Variants in CRY1 observed in about 807,000 individuals in gnomAD.
The protein encoded by CRY1 is cryptochrome-1.
CRY1 carries 45 observed loss-of-function variants against 76.0 expected under a neutral mutation model. That is an observed-to-expected ratio of 0.59 (90% CI 0.47 to 0.76). The LOEUF (loss-of-function observed/expected upper bound fraction) is 0.76. Among genes scored for constraint, CRY1 ranks in the 30% least tolerant of loss-of-function variants. The probability of loss-of-function intolerance (pLI) is 0.00; values close to 1 mark genes in which losing one functional copy is unlikely to be tolerated. For synonymous variants in CRY1, 248 were observed against 244.0 expected, an observed-to-expected ratio of 1.02 and a Z score of -0.15; for missense variants, 587 against 716.4, an observed-to-expected ratio of 0.82 and a Z score of 2.06.
intron 2 of CRY1, among the ~76,000 whole-genome samples, chr12:107,019,318 T>C (rs150047893): frequency 2.5e-3 from 385 of 152,166 alleles, no homozygotes; most frequent in African/African-American, 8.6e-3. Context: ...GCTCTAGATA[T>C]GGTAAATAAA....
intron 1 of CRY1, among the ~76,000 whole-genome samples, chr12:107,051,031 TATG>T (rs910262331): frequency 1.4e-4 from 21 of 152,242 alleles, no homozygotes; most frequent in Middle Eastern, 3.4e-3. Context: ...AGCCACTAAA[TATG>T]ATGTGGTTTT....
chr12:107,047,939 A>G, intron 1 of CRY1, among the ~76,000 whole-genome samples: 1 of 152,040 alleles, frequency 6.6e-6, no homozygotes. Flanking sequence ...AATTGAGACT[A>G]AAAAAAATTA....
At chr12:107,051,074 A>T (rs1421704982) in intron 1 of CRY1, among the ~76,000 whole-genome samples, 1 of 152,244 alleles carries the variant, frequency 6.6e-6, no homozygotes, top group Middle Eastern at 3.2e-3. Flanking sequence ...CAGTTTAAAA[A>T]TTTCAAACAA....
At chr12:107,038,943 C>T (rs1365590831) in intron 1 of CRY1, among the ~76,000 whole-genome samples, 1 of 152,100 alleles carries the variant, frequency 6.6e-6, no homozygotes, top group East Asian at 1.9e-4. Flanking sequence ...AGCTGCTGCC[C>T]AAGAGACTAG....
chr12:106,993,853 G>A (rs985833445), intron 10 of CRY1, among the ~76,000 whole-genome samples: 1 of 151,958 alleles, frequency 6.6e-6, no homozygotes, highest in South Asian at 2.1e-4. Context: ...AAACCTAAAA[G>A]TTAAATAAAA....
chr12:107,017,626 A>G (rs1370758459), intron 2 of CRY1, among the ~76,000 whole-genome samples: 1 of 152,236 alleles, frequency 6.6e-6, no homozygotes, highest in Non-Finnish European at 1.5e-5. Context: ...TAAGAGGGGA[A>G]AAGTAGAAGC....
chr12:107,011,185 A>C (rs1952439636), intron 2 of CRY1, among the ~76,000 whole-genome samples: 1 of 152,106 alleles, frequency 6.6e-6, no homozygotes, highest in Non-Finnish European at 1.5e-5. Flanking sequence ...CTCTACTAAA[A>C]ACAAACAAAC....
intron 1 of CRY1, among the ~76,000 whole-genome samples, chr12:107,061,930 C>T (rs909305858): frequency 2.7e-5 from 4 of 147,514 alleles, no homozygotes; most frequent in Admixed American, 7.0e-5. Flanking sequence ...GGCTGAGGCA[C>T]GAGAACTCCT....
intron 2 of CRY1, among the ~76,000 whole-genome samples, chr12:107,018,574 A>G (rs1952521444): frequency 1.3e-5 from 2 of 152,186 alleles, no homozygotes; most frequent in African/African-American, 4.8e-5. Context: ...GCAACAGAGC[A>G]AGACTCTCTC....
chr12:107,011,833 T>C (rs1323631080), intron 2 of CRY1, among the ~76,000 whole-genome samples: 1 of 152,198 alleles, frequency 6.6e-6, no homozygotes. Flanking sequence ...AGATTTTCAG[T>C]GTTGATGAAG....
rs774741776 is a variant in CRY1 at position 106,999,550 on chromosome 12, C to T, written c.1137+1G>A. 5.6e-6 allele frequency: 9 copies of T among 1,608,286 alleles called. No homozygotes were observed. The highest frequency in any genetic ancestry group is 6.8e-6 in the Non-Finnish European group (8 of 1,177,400). On this transcript the variant is annotated splice_donor_variant, in intron 7 of 12. Coordinates refer to ENST00000008527, the MANE Select transcript of CRY1 (RefSeq NM_004075.5). LOFTEE classifies it high-confidence loss of function. ...CATGCTATATCAGTTAGAACACTTA[C>T]CTTCATTCCTTCTTCCCAACTAATC...
At chr12:106,993,378 C>T (rs1425593093) in intron 10 of CRY1, among the ~76,000 whole-genome samples, 2 of 151,642 alleles carry the variant, frequency 1.3e-5, no homozygotes, top group East Asian at 1.9e-4. Flanking sequence ...CCTTTTCCCA[C>T]GCTTTTCCTT....
At chr12:107,034,119 A>C (rs1163593561) in intron 1 of CRY1, among the ~76,000 whole-genome samples, 1 of 151,926 alleles carries the variant, frequency 6.6e-6, no homozygotes, top group Non-Finnish European at 1.5e-5. Context: ...CTGATAAAAC[A>C]GAATGCAGTA....
At chr12:107,082,611 A>G (rs1425974063) in intron 1 of CRY1, among the ~76,000 whole-genome samples, 2 of 152,236 alleles carry the variant, frequency 1.3e-5, no homozygotes, top group East Asian at 1.9e-4. Context: ...AAATAAAGAA[A>G]TTAAGGCAGA....
chr12:106,996,808 G>A (rs1176450694), intron 10 of CRY1, among the ~76,000 whole-genome samples: 2 of 152,106 alleles, frequency 1.3e-5, no homozygotes, highest in African/African-American at 4.8e-5. Context: ...AATTTACATG[G>A]TCACTAAATT....
At chr12:107,004,286 A>G (rs1261153826) in intron 3 of CRY1, among the ~76,000 whole-genome samples, 1 of 152,212 alleles carries the variant, frequency 6.6e-6, no homozygotes, top group Admixed American at 6.5e-5. Flanking sequence ...GAATCAAATC[A>G]TGATTTTTTG....
intron 1 of CRY1, among the ~76,000 whole-genome samples, chr12:107,082,768 C>T (rs1253313739): frequency 6.6e-6 from 1 of 152,134 alleles, no homozygotes; most frequent in Non-Finnish European, 1.5e-5. Context: ...GACACCCTAA[C>T]ATCACAATTA....
intron 4 of CRY1, 30 bp from the exon 5 acceptor site, chr12:107,001,398 T>G (rs1392006891): frequency 6.4e-7 from 1 of 1,556,782 alleles, no homozygotes. Context: ...AAAACATCAT[T>G]CTTCCGAAAC....
intron 2 of CRY1, among the ~76,000 whole-genome samples, chr12:107,016,962 C>G (rs1187030087): frequency 6.6e-6 from 1 of 152,158 alleles, no homozygotes; most frequent in Admixed American, 6.5e-5. Flanking sequence ...TCTACAGCTA[C>G]CCTGGTCCTG....
Sources: allele counts gnomAD v4.1 joint callset (sites outside exome capture counted in the v4.1 genomes callset), GRCh38; gene constraint gnomAD v4.1.1; transcripts MANE v1.5; gene names NCBI Gene and HGNC (gene_info 2026-07-23, HGNC 2026-07-21).